The following EFCAB6 variants were observed in gnomAD, a reference collection of about 807,000 sequenced individuals.
EFCAB6 encodes the protein EF-hand calcium-binding domain-containing protein 6.
EFCAB6 carries 156 observed loss-of-function variants against 169.8 expected under a neutral mutation model. That is an observed-to-expected ratio of 0.92 (90% CI 0.81 to 1.05). EFCAB6 has a LOEUF of 1.05. Among genes scored for constraint, EFCAB6 ranks in the 50% least tolerant of loss-of-function variants. The pLI is 0.00. For synonymous variants in EFCAB6, 698 were observed against 676.4 expected (o/e 1.03, Z -0.50); for missense variants, 1,800 against 1,829.1 (o/e 0.98, Z 0.29).
chr22:43,549,101 A>G (rs1179699366), intron 27 of EFCAB6, among the ~76,000 whole-genome samples: 1 of 152,198 alleles, frequency 6.6e-6, no homozygotes, highest in Non-Finnish European at 1.5e-5. Flanking sequence ...ACATATCAAA[A>G]CTTGGATGCA....
rs1002881836 is a variant in EFCAB6, at chr22:43,628,181, C to T, written c.2233-1502G>A. ...CCAAATCAAACTCCTGACCTCCACC[C>T]CCTGTCCCCACCCTACTCCTCCTAA... On this transcript the variant is annotated intron_variant, in intron 19 of 31. Coordinates refer to ENST00000262726, the MANE Select transcript of EFCAB6 (RefSeq NM_022785.4). The surrounding 1 kb of genome is among the most constrained non-coding windows in gnomAD (Gnocchi z 4.8). 6.6e-6 allele frequency among the ~76,000 whole-genome samples: 1 copy of T among 152,096 alleles called. No homozygotes were observed. The highest frequency in any genetic ancestry group is 1.5e-5 in the Non-Finnish European group (1 of 68,014).
chr22:43,651,628 C>G (rs1475041531), intron 17 of EFCAB6, among the ~76,000 whole-genome samples: 1 of 152,216 alleles, frequency 6.6e-6, no homozygotes, highest in Non-Finnish European at 1.5e-5. Context: ...CCACTGAAAG[C>G]TTGGACCATG....
chr22:43,599,784 C>T (rs751930478), intron 23 of EFCAB6, among the ~76,000 whole-genome samples: 34 of 152,160 alleles, frequency 2.2e-4, no homozygotes, highest in Admixed American at 1.5e-3. Context: ...CGTGGCCAGG[C>T]GGTATGCCAT....
intron 30 of EFCAB6, chr22:43,533,615 C>G (rs1452606315): frequency 2.0e-5 from 3 of 152,230 alleles, no homozygotes; most frequent in Non-Finnish European, 4.4e-5. Flanking sequence ...CTAGTAGAGG[C>G]CTTGTCTTTA....
intron 6 of EFCAB6, among the ~76,000 whole-genome samples, chr22:43,753,518 G>T (rs2060844718): frequency 6.6e-6 from 1 of 152,180 alleles, no homozygotes; most frequent in Non-Finnish European, 1.5e-5. Flanking sequence ...AGTCACCAAG[G>T]ATGGAGAGAT....
intron 22 of EFCAB6, among the ~76,000 whole-genome samples, chr22:43,605,503 C>T (rs543387092): frequency 3.2e-4 from 48 of 152,154 alleles, no homozygotes; most frequent in African/African-American, 1.1e-3. Flanking sequence ...ATTAGCTGAG[C>T]GTGGTGGTGC....
chr22:43,784,151 T>TA (rs2061925860), intron 2 of EFCAB6, among the ~76,000 whole-genome samples: 1 of 152,110 alleles, frequency 6.6e-6, no homozygotes, highest in Admixed American at 6.5e-5. Context: ...GGTCCATACT[T>TA]ATTTTCAGAA....
At chr22:43,604,261 C>T (rs952715038) in intron 22 of EFCAB6, among the ~76,000 whole-genome samples, 1 of 152,158 alleles carries the variant, frequency 6.6e-6, no homozygotes, top group Non-Finnish European at 1.5e-5. Flanking sequence ...TGGAGCTGAA[C>T]ATGCTCAAAG....
At chr22:43,810,130 C>A (rs952165505) in intron 1 of EFCAB6, among the ~76,000 whole-genome samples, 1 of 152,214 alleles carries the variant, frequency 6.6e-6, no homozygotes, top group Non-Finnish European at 1.5e-5. Flanking sequence ...CCTCCTGCCT[C>A]AGCCTCCCAA....
chr22:43,590,681 G>A (rs980378053), intron 23 of EFCAB6, among the ~76,000 whole-genome samples: 2 of 151,730 alleles, frequency 1.3e-5, no homozygotes, highest in African/African-American at 4.8e-5. Context: ...TCCAGTAGTG[G>A]GGAGACAGAC....
chr22:43,605,567 T>C (rs528657455), intron 22 of EFCAB6, among the ~76,000 whole-genome samples: 1 of 115,604 alleles, frequency 8.7e-6, no homozygotes, highest in African/African-American at 3.4e-5. Flanking sequence ...CGCTTGAACC[T>C]GGGAGGCGGA....
chr22:43,717,511 T>C (rs1482015733), intron 8 of EFCAB6, among the ~76,000 whole-genome samples: 1 of 152,052 alleles, frequency 6.6e-6, no homozygotes, highest in East Asian at 1.9e-4. Flanking sequence ...AATATAAACA[T>C]CCAATAGAAC....
At chr22:43,573,291 A>G (rs1208635346) in intron 26 of EFCAB6, among the ~76,000 whole-genome samples, 1 of 152,158 alleles carries the variant, frequency 6.6e-6, no homozygotes, top group East Asian at 1.9e-4. Flanking sequence ...CAACAATTCA[A>G]TTTCATTTCT....
At chr22:43,540,917 A>G (rs979053126) in intron 27 of EFCAB6, among the ~76,000 whole-genome samples, 1 of 152,104 alleles carries the variant, frequency 6.6e-6, no homozygotes, top group Admixed American at 6.5e-5. Flanking sequence ...ATGGCTTTGT[A>G]TTTTTGCTGT....
intron 11 of EFCAB6, among the ~76,000 whole-genome samples, chr22:43,686,371 T>C (rs554429974): frequency 6.6e-6 from 1 of 152,342 alleles, no homozygotes; most frequent in East Asian, 1.9e-4. Context: ...TTTGTGTCTT[T>C]TGGGGTTATG....
intron 19 of EFCAB6, 68 bp from the exon 20 acceptor site, chr22:43,626,747 C>G: frequency 6.8e-7 from 1 of 1,470,788 alleles, no homozygotes; most frequent in Non-Finnish European, 9.5e-7. Context: ...TGCACACCCC[C>G]ACGTGTAGAG....
At chr22:43,629,985 G>A (rs1295320342) in intron 19 of EFCAB6, among the ~76,000 whole-genome samples, 1 of 152,140 alleles carries the variant, frequency 6.6e-6, no homozygotes, top group East Asian at 1.9e-4. Flanking sequence ...GGGTTGACAG[G>A]TTAATCCTAT....
rs529424211 is a variant in EFCAB6, at chr22:43,548,733, G to A, written c.3648+6136C>T. 4.1e-4 allele frequency among the ~76,000 whole-genome samples: 62 copies of A among 152,078 alleles called. 1 individual carries two copies. In the Middle Eastern group the frequency reaches 0.02, roughly 50 times the overall value. On this transcript the variant is annotated intron_variant, in intron 27 of 31. Transcript: ENST00000262726. ...GTGAGTGATTTCAACATACCTCTTAGTGATGGATGGGCCAAAGAGACAAAA... is the reference window on the plus strand; with the variant it reads ...GTGAGTGATTTCAACATACCTCTTAATGATGGATGGGCCAAAGAGACAAAA...
chr22:43,540,410 G>A (rs748040883), intron 27 of EFCAB6, 53 bp from the exon 28 acceptor site: 29 of 1,608,768 alleles, frequency 1.8e-5, no homozygotes, highest in Non-Finnish European at 2.3e-5. Flanking sequence ...CACAGGCAGC[G>A]TCGCACCTGT....
Sources: gnomAD v4.1 joint callset for allele counts (sites outside exome capture counted in the v4.1 genomes callset) on GRCh38, gnomAD v4.1.1 for gene constraint, Gnocchi (gnomAD v3.1) non-coding constraint, MANE v1.5 for transcripts, NCBI Gene and HGNC (gene_info 2026-07-23, HGNC 2026-07-21) for gene names.